GAK: variants seen among roughly 807,000 people sequenced by gnomAD.
The protein encoded by GAK is cyclin-G-associated kinase.
In GAK, 79 loss-of-function variants were observed where a neutral mutation model predicts 143.9. That is an observed-to-expected ratio of 0.55 (90% CI 0.46 to 0.66). The LOEUF (loss-of-function observed/expected upper bound fraction) is 0.66. GAK is among the 30% of genes least tolerant of loss of function. The pLI, the probability that GAK is intolerant of heterozygous loss-of-function variation, is 0.00. For missense variants in GAK, 1,693 were observed against 1,779.7 expected (o/e 0.95, Z 0.88); for synonymous variants, 881 against 765.5 (o/e 1.15, Z -2.49).
chr4:888,182 C>G (rs1240634633), intron 11 of GAK: 8 of 152,314 alleles, frequency 5.3e-5, no homozygotes. Context: ...CAGCCCAGCT[C>G]CTAGGCTGTT....
intron 5 of GAK, among the ~76,000 whole-genome samples, chr4:899,507 T>C (rs559691510): frequency 1.3e-5 from 2 of 152,190 alleles, no homozygotes; most frequent in African/African-American, 4.8e-5. Flanking sequence ...CAGTATGGGC[T>C]CACACAGGCA....
intron 5 of GAK, among the ~76,000 whole-genome samples, chr4:902,456 C>T (rs1720046687): frequency 6.6e-6 from 1 of 151,386 alleles, no homozygotes; most frequent in Non-Finnish European, 1.5e-5. Flanking sequence ...AATACAAAAA[C>T]TAGGCAGGCG....
At chr4:860,846 G>A (rs532995146) in intron 23 of GAK, among the ~76,000 whole-genome samples, 5 of 152,296 alleles carry the variant, frequency 3.3e-5, no homozygotes, top group Non-Finnish European at 5.9e-5. Context: ...TGTGCCTCCC[G>A]GAGCTCTGCA....
At chr4:928,888 T>A (rs1725248035) in intron 1 of GAK, among the ~76,000 whole-genome samples, 3 of 152,146 alleles carry the variant, frequency 2.0e-5, no homozygotes. Context: ...CTCAGCCTCC[T>A]GAGTAGCTGG....
intron 5 of GAK, among the ~76,000 whole-genome samples, chr4:903,032 A>G (rs550155073): frequency 1.3e-3 from 199 of 152,312 alleles, no homozygotes; most frequent in Middle Eastern, 0.01. Context: ...TGGACAGCCC[A>G]CGGGGCAGGA....
At chr4:873,150 T>C (rs1233870785) in intron 18 of GAK, among the ~76,000 whole-genome samples, 1 of 152,202 alleles carries the variant, frequency 6.6e-6, no homozygotes, top group African/African-American at 2.4e-5. Context: ...GCAACCAACC[T>C]TTCTTCCTTT....
intron 24 of GAK, among the ~76,000 whole-genome samples, chr4:857,103 C>T (rs183167959): frequency 7.9e-5 from 12 of 152,192 alleles, no homozygotes; most frequent in African/African-American, 1.7e-4. Flanking sequence ...CAATTACTTT[C>T]GCAGCAACCT....
At position 865,115 on chromosome 4, in the gene GAK, G is replaced by A; in HGVS notation, c.3166+7C>T. ...GGAGCCCTGTCCTTGGTGGGTGGTG[G>A]CCATACCTTCTGTGGCTGGCGTGGG... On this transcript the variant is annotated splice_region_variant and intron_variant, in intron 23 of 27. Coordinates refer to ENST00000314167, the MANE Select transcript of GAK (RefSeq NM_005255.4). 5.0e-6 allele frequency: 8 copies of A among 1,607,544 alleles called. No homozygotes were observed. The highest frequency in any genetic ancestry group is 5.9e-6 in the Non-Finnish European group (7 of 1,176,890).
At chr4:896,211 C>A (rs757140635) in intron 7 of GAK, among the ~76,000 whole-genome samples, 33 of 152,142 alleles carry the variant, frequency 2.2e-4, no homozygotes, top group Non-Finnish European at 3.7e-4. Context: ...CTGCGGTGAG[C>A]CTGAGCCGAG....
At chr4:920,870 G>A (rs1001095699) in intron 1 of GAK, among the ~76,000 whole-genome samples, 7 of 152,100 alleles carry the variant, frequency 4.6e-5, no homozygotes, top group African/African-American at 1.4e-4. Context: ...AAAGGTTAAC[G>A]TTTATTCTGG....
Position 866,478 on chromosome 4 carries a change from T to C in GAK, c.2929A>G (p.Asn977Asp). 6.2e-7 allele frequency: 1 copy of C among 1,614,074 alleles called. No homozygotes were observed. The highest frequency in any genetic ancestry group is 8.5e-7 in the Non-Finnish European group (1 of 1,179,972). The change falls in exon 22 of 28, where the codon AAT becomes GAT. Residue 977 changes from asparagine to aspartate, a missense_variant. Physicochemically the swap from Asn to Asp is conservative, Grantham distance 23. Coordinates refer to ENST00000314167, the MANE Select transcript of GAK (RefSeq NM_005255.4). ...AGAAATTCGCCGAAGAGATCAGGAT[T>C]GGAGCAGGGCTGGGAGTTGTTGCCT... is the stretch of plus-strand genomic sequence containing the variant. The part of the protein sequence containing the change: ...SSGNNSQPCS[N>D]PDLFGEFLNS...
chr4:912,821 A>G (rs1210518973), intron 2 of GAK, 27 bp from the exon 3 acceptor site: 1 of 1,604,686 alleles, frequency 6.2e-7, no homozygotes, highest in Non-Finnish European at 8.5e-7. Context: ...CACACACAAA[A>G]GATGAAAGCA....
At chr4:903,748 T>TG (rs1415607804) in intron 5 of GAK, among the ~76,000 whole-genome samples, 4 of 151,422 alleles carry the variant, frequency 2.6e-5, no homozygotes, top group African/African-American at 9.7e-5. Flanking sequence ...TGAGCAGGAA[T>TG]AGGGTCCTGA....
chr4:859,282 C>T (rs1749838994), intron 24 of GAK: 1 of 1,270,786 alleles, frequency 7.9e-7, no homozygotes, highest in Non-Finnish European at 1.0e-6. Context: ...TGAGCAGAGC[C>T]CAGCTACACC....
At chr4:910,654 G>A (rs1463918390) in intron 4 of GAK, among the ~76,000 whole-genome samples, 3 of 152,058 alleles carry the variant, frequency 2.0e-5, no homozygotes, top group Non-Finnish European at 4.4e-5. Context: ...GATCTCACGC[G>A]GCTACAGGTG....
At position 895,984 on chromosome 4, in the gene GAK, G is replaced by A. The variant is rs554268087; in HGVS notation, c.741+476C>T. On this transcript the variant is annotated intron_variant, in intron 7 of 27. Transcript: ENST00000314167. ...TATTAGAAGTAGTCAAGGTTGGGCA[G>A]GGTGCAGTGGCTCAAGCCTGTAATC... is the stretch of plus-strand genomic sequence containing the variant. Among the ~76,000 whole-genome samples, 353 of 152,356 alleles carry A rather than the reference G, an allele frequency of 2.3e-3. 2 individuals carry two copies. The highest frequency in any genetic ancestry group is 3.9e-3 in the Non-Finnish European group (263 of 68,044).
intron 4 of GAK, among the ~76,000 whole-genome samples, chr4:907,692 G>A (rs552939163): frequency 6.2e-4 from 95 of 152,314 alleles, no homozygotes; most frequent in Non-Finnish European, 1.0e-3. Flanking sequence ...CCCGGAGCCC[G>A]ACCTCCAGGC....
At position 893,904 on chromosome 4, in the gene GAK, T is replaced by A. The variant is rs1410418425; in HGVS notation, c.847A>T (p.Thr283Ser). Reference protein sequence around the residue: ...NGKYSIPPHDTQYTVFHSLIR... With the variant: ...NGKYSIPPHDSQYTVFHSLIR... ...AGGCTGTGGAAGACCGTGTACTGCG[T>A]GTCGTGCGGGGGGATCGAGTACTTC... The change falls in exon 8 of 28, where the codon ACG becomes TCG. Residue 283 changes from threonine (T) to serine (S), a missense_variant. Physicochemically the swap from Thr to Ser is moderately conservative, Grantham distance 58. Transcript: ENST00000314167. 6.2e-7 allele frequency: 1 copy of A among 1,610,018 alleles called. No individual in the cohort carries two copies.
intron 24 of GAK, among the ~76,000 whole-genome samples, chr4:857,223 A>C (rs1749439627): frequency 6.6e-6 from 1 of 152,112 alleles, no homozygotes; most frequent in Non-Finnish European, 1.5e-5. Context: ...CTATTTGCTG[A>C]AGTTTGGTTG....
Sources: gnomAD v4.1 joint callset for allele counts (sites outside exome capture counted in the v4.1 genomes callset) on GRCh38, gnomAD v4.1.1 for gene constraint, MANE v1.5 for transcripts, NCBI Gene and HGNC (gene_info 2026-07-23, HGNC 2026-07-21) for gene names.